The following STK33 variants were observed in gnomAD, a reference collection of about 807,000 sequenced individuals.
The protein encoded by STK33 is serine/threonine kinase 33, also known as serine/threonine-protein kinase 33.
In STK33, 52 loss-of-function variants were observed where a neutral mutation model predicts 58.0. The ratio of observed to expected loss-of-function variants is 0.90; its 90% CI spans 0.72 to 1.13. The LOEUF (loss-of-function observed/expected upper bound fraction) is 1.13. Ranked by LOEUF, STK33 falls within the 50% of genes most tolerant of loss-of-function variation. The probability of loss-of-function intolerance (pLI) is 0.00; values close to 1 mark genes in which losing one functional copy is unlikely to be tolerated. For missense variants in STK33, 630 were observed against 604.2 expected (o/e 1.04, Z -0.45); for synonymous variants, 215 against 200.1 (o/e 1.07, Z -0.63).
chr11:8,457,556 A>G, intron 8 of STK33, 77 bp from the exon 9 acceptor site: 1 of 1,198,110 alleles, frequency 8.3e-7, no homozygotes, highest in Non-Finnish European at 1.2e-6. Context: ...TATCACATAT[A>G]CAATCACAGT....
At chr11:8,398,106 G>C (rs1278988485) in intron 15 of STK33, among the ~76,000 whole-genome samples, 1 of 152,128 alleles carries the variant, frequency 6.6e-6, no homozygotes, top group African/African-American at 2.4e-5. Flanking sequence ...AGGAAATACA[G>C]AGAATGCCAC....
chr11:8,487,285 G>A (rs1419982754), intron 1 of STK33, among the ~76,000 whole-genome samples: 7 of 151,824 alleles, frequency 4.6e-5, no homozygotes, highest in South Asian at 2.1e-4. Flanking sequence ...TTAGCTAGGC[G>A]TGGTGACACA....
intron 1 of STK33, among the ~76,000 whole-genome samples, chr11:8,524,033 C>T (rs972967089): frequency 6.6e-5 from 10 of 152,178 alleles, no homozygotes; most frequent in African/African-American, 2.4e-4. Flanking sequence ...CCAGTGCTCT[C>T]TGAAACATGT....
chr11:8,413,330 C>A (rs533761780), intron 15 of STK33, among the ~76,000 whole-genome samples, 165 bp downstream of exon 15: 53 of 152,198 alleles, frequency 3.5e-4, no homozygotes, highest in Non-Finnish European at 7.2e-4. Context: ...TAGGCCACCT[C>A]GCTAAATCAT....
intron 6 of STK33, chr11:8,466,406 C>T (rs1408512405): frequency 1.3e-5 from 2 of 152,196 alleles, no homozygotes; most frequent in African/African-American, 2.4e-5. Flanking sequence ...AACAAAAAGG[C>T]TACAGGCCCA....
chr11:8,447,341 A>C (rs1378534632), intron 11 of STK33, among the ~76,000 whole-genome samples: 1 of 152,182 alleles, frequency 6.6e-6, no homozygotes, highest in Non-Finnish European at 1.5e-5. Context: ...AAAAAAAGAG[A>C]ATTTTAGACC....
chr11:8,454,642 C>T (rs896930134), intron 10 of STK33, 102 bp downstream of exon 10: 1 of 1,342,206 alleles, frequency 7.5e-7, no homozygotes, highest in East Asian at 3.0e-5. Context: ...TATTTTCTGG[C>T]TGCTCAAAAG....
At chr11:8,417,540 G>A (rs915280782) in intron 14 of STK33, among the ~76,000 whole-genome samples, 1 of 152,126 alleles carries the variant, frequency 6.6e-6, no homozygotes, top group African/African-American at 2.4e-5. Flanking sequence ...GAGCTGGGGT[G>A]AGATGGTATG....
At chr11:8,422,356 C>G (rs1271758469) in intron 14 of STK33, among the ~76,000 whole-genome samples, 1 of 152,150 alleles carries the variant, frequency 6.6e-6, no homozygotes, top group African/African-American at 2.4e-5. Context: ...CTACATCCAA[C>G]TTGCTAATAG....
downstream of STK33, among the ~76,000 whole-genome samples, chr11:8,387,757 A>G (rs1848563894): frequency 6.6e-6 from 1 of 152,164 alleles, no homozygotes; most frequent in Non-Finnish European, 1.5e-5. Flanking sequence ...CATCTTCCTC[A>G]GGGTCCAGTG....
At chr11:8,549,791 T>C (rs186094492) in intron 1 of STK33, among the ~76,000 whole-genome samples, 4 of 152,330 alleles carry the variant, frequency 2.6e-5, no homozygotes, top group African/African-American at 7.2e-5. Flanking sequence ...GATTCTATAA[T>C]GATCCTTTGT....
chr11:8,377,454 A>G, the STK33 span, among the ~76,000 whole-genome samples: 23 of 152,362 alleles, frequency 1.5e-4, no homozygotes, highest in Admixed American at 5.2e-4. Context: ...CAAACTAGCC[A>G]TTGAAGGGAC....
intron 1 of STK33, among the ~76,000 whole-genome samples, chr11:8,561,654 A>G (rs1378321577): frequency 6.6e-6 from 1 of 152,176 alleles, no homozygotes; most frequent in Admixed American, 6.5e-5. Context: ...CAGGCACACC[A>G]ATAACACATA....
At chr11:8,452,964 C>A (rs1465202822) in intron 10 of STK33, 58 bp from the exon 11 acceptor site, 2 of 1,439,838 alleles carry the variant, frequency 1.4e-6, no homozygotes, top group Non-Finnish European at 2.0e-6. Context: ...CTCACTCATT[C>A]TGAAGATAAG....
At chr11:8,449,628 G>A (rs1307552827) in intron 11 of STK33, among the ~76,000 whole-genome samples, 3 of 143,912 alleles carry the variant, frequency 2.1e-5, no homozygotes, top group African/African-American at 8.0e-5. Flanking sequence ...ACTGGGGCCT[G>A]TTGTGGGGTG....
chr11:8,463,527 A>C (rs1185083679), intron 7 of STK33, among the ~76,000 whole-genome samples: 1 of 152,112 alleles, frequency 6.6e-6, no homozygotes, highest in Admixed American at 6.5e-5. Flanking sequence ...GGGACCCTCG[A>C]CCTAAAGGAT....
intron 1 of STK33, among the ~76,000 whole-genome samples, chr11:8,496,882 AT>A (rs945056006): frequency 1.5e-4 from 22 of 151,686 alleles, no homozygotes; most frequent in African/African-American, 4.6e-4. Context: ...CTGATATTTC[AT>A]TTTTTTTATG....
intron 12 of STK33, among the ~76,000 whole-genome samples, chr11:8,439,160 A>G (rs947846923): frequency 6.6e-6 from 1 of 152,212 alleles, no homozygotes; most frequent in Admixed American, 6.5e-5. Context: ...ACTTTTCAGA[A>G]CACCTCTTAG....
intron 11 of STK33, among the ~76,000 whole-genome samples, chr11:8,442,275 C>T (rs984148248): frequency 6.6e-6 from 1 of 152,174 alleles, no homozygotes; most frequent in African/African-American, 2.4e-5. Context: ...GTTAACTCTA[C>T]TTAAAATCTT....
Sources: gnomAD v4.1 joint callset for allele counts (sites outside exome capture counted in the v4.1 genomes callset) on GRCh38, gnomAD v4.1.1 for gene constraint, MANE v1.5 for transcripts, NCBI Gene and HGNC (gene_info 2026-07-23, HGNC 2026-07-21) for gene names.